The following PSMA3 variants were observed in gnomAD, a reference collection of about 807,000 sequenced individuals.
The protein encoded by PSMA3 is proteasome subunit alpha type-3.
In PSMA3, 8 loss-of-function variants were observed where a neutral mutation model predicts 40.0. That is an observed-to-expected ratio of 0.20 (90% CI 0.12 to 0.36). PSMA3 has a LOEUF of 0.36. PSMA3 is among the 10% of genes least tolerant of loss of function. The probability of loss-of-function intolerance (pLI) is 1.00; values close to 1 mark genes in which losing one functional copy is unlikely to be tolerated. For synonymous variants in PSMA3, 110 were observed against 100.0 expected (o/e 1.10, Z -0.59); for missense variants, 219 against 310.6 (o/e 0.70, Z 2.22).
At chr14:58,268,063 C>T (rs1319036609) in intron 8 of PSMA3, 1 of 152,090 alleles carries the variant, frequency 6.6e-6, no homozygotes, top group Non-Finnish European at 1.5e-5. Flanking sequence ...TAGTTTATTA[C>T]AGGTATATAA....
chr14:58,258,743 A>C (rs1318098261), intron 5 of PSMA3, among the ~76,000 whole-genome samples: 1 of 151,108 alleles, frequency 6.6e-6, no homozygotes, highest in Non-Finnish European at 1.5e-5. Flanking sequence ...TTGTGACTAG[A>C]TTTTTCTAAA....
chr14:58,260,873 C>T, intron 5 of PSMA3, 75 bp from the exon 6 acceptor site: 1 of 1,065,382 alleles, frequency 9.4e-7, no homozygotes, highest in Non-Finnish European at 1.4e-6. Flanking sequence ...AATATAACTG[C>T]ATTTTAAAAT....
At chr14:58,246,611 A>T (rs1282127156) in intron 1 of PSMA3, among the ~76,000 whole-genome samples, 7 of 152,010 alleles carry the variant, frequency 4.6e-5, no homozygotes, top group Admixed American at 4.6e-4. Context: ...GTTGGCCAGG[A>T]TGGTCTCCAT....
intron 10 of PSMA3, among the ~76,000 whole-genome samples, chr14:58,271,462 TG>T (rs1333685924): frequency 6.6e-6 from 1 of 151,576 alleles, no homozygotes; most frequent in East Asian, 1.9e-4. Context: ...CCCAAGTAGC[TG>T]GGATTACAGG....
intron 1 of PSMA3, among the ~76,000 whole-genome samples, chr14:58,247,276 A>G (rs1043938621): frequency 6.6e-6 from 1 of 152,214 alleles, no homozygotes; most frequent in Non-Finnish European, 1.5e-5. Context: ...TCTAGCACCT[A>G]GATTCATGTC....
At chr14:58,246,833 T>G (rs1889893523) in intron 1 of PSMA3, among the ~76,000 whole-genome samples, 1 of 152,242 alleles carries the variant, frequency 6.6e-6, no homozygotes, top group Non-Finnish European at 1.5e-5. Flanking sequence ...CTCTACAGCT[T>G]ATTTTCCGCA....
intron 5 of PSMA3, among the ~76,000 whole-genome samples, chr14:58,259,397 C>A (rs1018493585): frequency 6.6e-6 from 1 of 152,158 alleles, no homozygotes; most frequent in Non-Finnish European, 1.5e-5. Flanking sequence ...TCACTGCAAC[C>A]TCTGCCTCCC....
intron 2 of PSMA3, among the ~76,000 whole-genome samples, chr14:58,248,538 A>T (rs1220205808): frequency 6.6e-6 from 1 of 152,196 alleles, no homozygotes; most frequent in Non-Finnish European, 1.5e-5. Flanking sequence ...AAGAGCTGGG[A>T]TTATAGGCGT....
intron 2 of PSMA3, among the ~76,000 whole-genome samples, chr14:58,248,639 C>T (rs529073497): frequency 3.9e-5 from 6 of 152,172 alleles, no homozygotes; most frequent in African/African-American, 9.6e-5. Flanking sequence ...ACCTTAAAAA[C>T]GAATGTGTTT....
intron 8 of PSMA3, 172 bp downstream of exon 8, chr14:58,267,692 C>A (rs1305500611): frequency 1.2e-5 from 14 of 1,184,736 alleles, no homozygotes; most frequent in Non-Finnish European, 1.3e-5. Context: ...TGTTTTTAAG[C>A]AATATTTTTT....
chr14:58,252,262 G>A lies in PSMA3; in HGVS notation c.228+20G>A. The A allele has an allele frequency of 6.3e-7, 1 of 1,598,626 alleles. No homozygotes were observed. Among genetic ancestry groups the A allele is most frequent in the Non-Finnish European group, 8.5e-7 (1 of 1,175,548 alleles). On this transcript the variant is annotated intron_variant, in intron 3 of 10. Transcript: ENST00000216455. ...GGAATGGTAAGGTCATGTTTAAAAT[G>A]TTCCTTTTTGTCTTGTCCAATTTCT...
At chr14:58,260,231 A>G (rs777829185) in intron 5 of PSMA3, among the ~76,000 whole-genome samples, 1 of 152,214 alleles carries the variant, frequency 6.6e-6, no homozygotes, top group African/African-American at 2.4e-5. Context: ...TAACCTGTGC[A>G]TATCCTCCTG....
At chr14:58,266,856 A>G (rs1294447159) in intron 7 of PSMA3, 1 of 152,234 alleles carries the variant, frequency 6.6e-6, no homozygotes, top group African/African-American at 2.4e-5. Context: ...TAACTTGGCT[A>G]TAAAGAAAAT....
At chr14:58,267,434 AT>A in intron 7 of PSMA3, 39 bp from the exon 8 acceptor site, 2 of 1,456,542 alleles carry the variant, frequency 1.4e-6, no homozygotes, top group South Asian at 3.2e-5. Flanking sequence ...CAAGTGGAAA[AT>A]GTTCTTCTGA....
chr14:58,258,039 T>A, intron 5 of PSMA3, 41 bp downstream of exon 5: 1 of 1,438,324 alleles, frequency 7.0e-7, no homozygotes, highest in Non-Finnish European at 9.8e-7. Flanking sequence ...AGATCTGTAC[T>A]ATAGATATTT....
chr14:58,268,247 CAA>C (rs373369523), intron 8 of PSMA3: 13 of 152,156 alleles, frequency 8.5e-5, no homozygotes, highest in African/African-American at 3.1e-4. Flanking sequence ...TTTTTAGATT[CAA>C]AAGTTATGGA....
chr14:58,267,628 AT>A, intron 8 of PSMA3, 108 bp downstream of exon 8: 1 of 1,299,800 alleles, frequency 7.7e-7, no homozygotes, highest in Non-Finnish European at 9.8e-7. Flanking sequence ...AACTTAGTGT[AT>A]AATTTTTAGA....
At chr14:58,258,253 C>T (rs1413172529) in intron 5 of PSMA3, 10 of 379,622 alleles carry the variant, frequency 2.6e-5, no homozygotes, top group African/African-American at 4.0e-5. Flanking sequence ...GCCTGGCCAA[C>T]GCAGTGAGAA....
At chr14:58,263,364 ATTTC>A (rs1362984246) in intron 6 of PSMA3, among the ~76,000 whole-genome samples, 1 of 152,074 alleles carries the variant, frequency 6.6e-6, no homozygotes, top group African/African-American at 2.4e-5. Context: ...AATTAACTTT[ATTTC>A]TGTCTCTCAG....
Sources: allele counts gnomAD v4.1 joint callset (sites outside exome capture counted in the v4.1 genomes callset), GRCh38; gene constraint gnomAD v4.1.1; transcripts MANE v1.5; gene names NCBI Gene and HGNC (gene_info 2026-07-23, HGNC 2026-07-21).